The following ADGRB2 variants were observed in gnomAD, a reference collection of about 807,000 sequenced individuals.
The protein encoded by ADGRB2 is brain-specific angiogenesis inhibitor 2.
Under a neutral mutation model 178.7 loss-of-function variants are expected in ADGRB2, and 47 were observed. That is an observed-to-expected ratio of 0.26 (90% CI 0.21 to 0.34). The LOEUF (loss-of-function observed/expected upper bound fraction) is 0.34. Among genes scored for constraint, ADGRB2 ranks in the 10% least tolerant of loss-of-function variants. The pLI is 1.00. For missense variants in ADGRB2, 1,584 were observed against 2,180.8 expected, an observed-to-expected ratio of 0.73 and a Z score of 5.45; for synonymous variants, 870 against 912.4, an observed-to-expected ratio of 0.95 and a Z score of 0.84.
Position 31,741,169 on chromosome 1 carries a change from G to A in ADGRB2, c.1794+204C>T, listed in dbSNP as rs1321404515. ...TCATTCTGCAGGAGCGCAGAGGTAGGCACCAGGGATAAAAGAAGACACTTG... is the reference window on the plus strand; with the variant it reads ...TCATTCTGCAGGAGCGCAGAGGTAGACACCAGGGATAAAAGAAGACACTTG... On this transcript the variant is annotated intron_variant, in intron 11 of 32. Coordinates refer to ENST00000373658, the MANE Select transcript of ADGRB2 (RefSeq NM_001364857.2). This position sits in a 1 kb window ranked among gnomAD's most constrained non-coding sequence, Gnocchi z 6.5. 6.6e-6 allele frequency among the ~76,000 whole-genome samples: 1 copy of A among 152,124 alleles called. No homozygotes were observed. Among genetic ancestry groups the A allele is most frequent in the Non-Finnish European group, 1.5e-5 (1 of 68,018 alleles).
chr1:31,751,358 T>C (rs2149027301), intron 4 of ADGRB2, among the ~76,000 whole-genome samples: 1 of 152,380 alleles, frequency 6.6e-6, no homozygotes, highest in South Asian at 2.1e-4. Context: ...TCAGTTTGTA[T>C]GGGATAGTCT....
chr1:31,729,557 C>A (rs1307753262), intron 29 of ADGRB2, among the ~76,000 whole-genome samples: 1 of 152,232 alleles, frequency 6.6e-6, no homozygotes, highest in African/African-American at 2.4e-5. Context: ...TTTCTGGGGG[C>A]AACAGGGCAC....
chr1:31,738,680 C>G (rs77039877), intron 16 of ADGRB2, 50 bp from the exon 17 acceptor site: 4 of 1,607,306 alleles, frequency 2.5e-6, no homozygotes, highest in Non-Finnish European at 1.7e-6. Flanking sequence ...GCTCACCACA[C>G]CCCACCACTG....
chr1:31,735,666 C>CT lies in ADGRB2; in HGVS notation c.3268-2dup. The CT allele has an allele frequency of 6.3e-7, 1 of 1,595,218 alleles. No homozygotes were observed. On this transcript the variant is annotated splice_acceptor_variant, in intron 23 of 32. Coordinates refer to ENST00000373658, the MANE Select transcript of ADGRB2 (RefSeq NM_001364857.2). LOFTEE classifies it high-confidence loss of function. The surrounding 1 kb of genome is among the most constrained non-coding windows in gnomAD (Gnocchi z 6.0). ...CGATGATTCCGATGAGCATGTTCAC[C>CT]TGGGGGCCCAGTAGAGTGGAGTGGG...
In ADGRB2 at chr1:31,744,647, C is replaced by A. The variant is rs779929973; in HGVS notation, c.922+1G>T. The A allele has an allele frequency of 6.2e-7, 1 of 1,613,990 alleles. No individual in the cohort carries two copies. Among genetic ancestry groups the A allele is most frequent in the Non-Finnish European group, 8.5e-7 (1 of 1,179,990 alleles). On this transcript the variant is annotated splice_donor_variant, in intron 5 of 32. Transcript: ENST00000373658. LOFTEE classifies it high-confidence loss of function. The surrounding 1 kb of genome is among the most constrained non-coding windows in gnomAD (Gnocchi z 6.7). The stretch of plus-strand genomic sequence containing the variant: ...GAGGAAGGGAGGCGGGCCCGAGTTA[C>A]CTGTCTGCGCCATGTATAGCCCAGG...
Position 31,740,303 on chromosome 1 carries a change from T to G in ADGRB2, c.1989+44A>C. The G allele has an allele frequency of 1.2e-6, 2 of 1,605,262 alleles. No homozygotes were observed. The highest frequency in any genetic ancestry group is 1.3e-5 in the African/African-American group (1 of 74,814). On this transcript the variant is annotated intron_variant, in intron 12 of 32. Transcript: ENST00000373658. This position sits in a 1 kb window ranked among gnomAD's most constrained non-coding sequence, Gnocchi z 5.9. ...TAGGGGCCTGGCCTCCCGCTTCAGT[T>G]TGGGCCTTCTCCACCCTCCGCCCTC... is the stretch of plus-strand genomic sequence containing the variant.
rs1199507324 is a variant in ADGRB2, at chr1:31,764,331, C to G, written c.-638G>C. On this transcript the variant is annotated 5_prime_UTR_variant, in exon 1 of 33. Coordinates refer to ENST00000373658, the MANE Select transcript of ADGRB2 (RefSeq NM_001364857.2). The surrounding 1 kb of genome is among the most constrained non-coding windows in gnomAD (Gnocchi z 7.3). ...TCCGGCCGCTGCCCGCAGCGCGCGCCGGGCCGAGTGACGGCCGAGGCGGGA... is the reference window on the plus strand; with the variant it reads ...TCCGGCCGCTGCCCGCAGCGCGCGCGGGGCCGAGTGACGGCCGAGGCGGGA... The G allele has an allele frequency of 3.2e-5, 5 of 155,134 alleles. No homozygotes were observed. Among genetic ancestry groups the G allele is most frequent in the Admixed American group, 2.7e-4 (4 of 14,658 alleles). 9.6% of individuals were successfully genotyped at this position (155,134 alleles called of 1,614,324 possible).
rs2148862289 is a variant in ADGRB2, at chr1:31,727,347, G to T, written c.*73C>A. The T allele has an allele frequency of 1.4e-6, 2 of 1,480,308 alleles. No homozygotes were observed. Among genetic ancestry groups the T allele is most frequent in the Non-Finnish European group, 1.8e-6 (2 of 1,121,248 alleles). The allele number at this position is 1,480,308 out of a possible 1,614,324, so 91.7% of individuals were successfully genotyped here. On this transcript the variant is annotated 3_prime_UTR_variant, in exon 33 of 33. Transcript: ENST00000373658. The surrounding 1 kb of genome is among the most constrained non-coding windows in gnomAD (Gnocchi z 4.4). ...AGAGGGGAGAGGGCGCTGGCTCCTG[G>T]GTAGTTCCAAAGTGGAGTGTGAAAA...
At chr1:31,742,339 A>C in intron 7 of ADGRB2, 122 bp from the exon 8 acceptor site, 24 of 1,328,580 alleles carry the variant, frequency 1.8e-5, no homozygotes, top group Non-Finnish European at 2.1e-5. Context: ...GGCCAGACCC[A>C]CTGGAGTGGG....
chr1:31,728,364 C>G lies in ADGRB2; in HGVS notation c.4417-84G>C, dbSNP rs1225702993. Reference sequence around the variant, plus strand: ...CCCAGGGCACTCAGCACCCCAAGCCCCCCACATCCCTCCCTGCTGCCAGCC... The same window carrying G: ...CCCAGGGCACTCAGCACCCCAAGCCGCCCACATCCCTCCCTGCTGCCAGCC... On this transcript the variant is annotated intron_variant, in intron 30 of 32. Coordinates refer to ENST00000373658, the MANE Select transcript of ADGRB2 (RefSeq NM_001364857.2). This position sits in a 1 kb window ranked among gnomAD's most constrained non-coding sequence, Gnocchi z 6.7. The G allele has an allele frequency of 1.5e-5, 21 of 1,427,934 alleles. No individual in the cohort carries two copies. Among genetic ancestry groups the G allele is most frequent in the Non-Finnish European group, 1.9e-5 (20 of 1,027,714 alleles). 88.5% of individuals were successfully genotyped at this position (1,427,934 alleles called of 1,614,324 possible).
In ADGRB2 at chr1:31,738,117, C is replaced by T. The variant is rs151223026; in HGVS notation, c.2772+83G>A. 6.9e-5 allele frequency: 108 copies of T among 1,562,200 alleles called. 1 individual carries two copies. The highest frequency in any genetic ancestry group is 2.8e-4 in the South Asian group (24 of 84,616). Reference sequence around the variant, plus strand: ...AGATGCACATTCAGGATCACCCAGGCGCCTGCCAACACCATCACTGATGGC... The same window carrying T: ...AGATGCACATTCAGGATCACCCAGGTGCCTGCCAACACCATCACTGATGGC... On this transcript the variant is annotated intron_variant, in intron 18 of 32. Coordinates refer to ENST00000373658, the MANE Select transcript of ADGRB2 (RefSeq NM_001364857.2).
chr1:31,746,746 A>G (rs1168248254), intron 4 of ADGRB2, among the ~76,000 whole-genome samples: 2 of 151,758 alleles, frequency 1.3e-5, no homozygotes, highest in Non-Finnish European at 2.9e-5. Flanking sequence ...TCTCCCCACA[A>G]AGGCCAGCCC....
Position 31,741,410 on chromosome 1 carries a change from C to G in ADGRB2, c.1757G>C (p.Arg586Pro). The G allele has an allele frequency of 6.2e-7, 1 of 1,606,984 alleles. No homozygotes were observed. The highest frequency in any genetic ancestry group is 8.5e-7 in the Non-Finnish European group (1 of 1,177,040). ...GTAGCGGTACTCATGGGAGATGCAG[C>G]GAGCAAAGCTGGGCAGCCCCCAGTA... ...VAYWGLPSFA[R>P]CISHEYRYLY... The change falls in exon 11 of 33, where the codon CGC becomes CCC. Residue 586 changes from arginine (R) to proline (P), a missense_variant. Coordinates refer to ENST00000373658, the MANE Select transcript of ADGRB2 (RefSeq NM_001364857.2). This position sits in a 1 kb window ranked among gnomAD's most constrained non-coding sequence, Gnocchi z 6.5.
rs573967138 is a variant in ADGRB2, at chr1:31,745,861, T to G, written c.839-1130A>C. On this transcript the variant is annotated intron_variant, in intron 4 of 32. Coordinates refer to ENST00000373658, the MANE Select transcript of ADGRB2 (RefSeq NM_001364857.2). The stretch of plus-strand genomic sequence containing the variant: ...AGAGGAAGCTCTTTCTCACCAAGCA[T>G]GAGGAGCAGCCACCCTGAGCAAATC... Among the ~76,000 whole-genome samples the G allele has an allele frequency of 2.0e-5, 3 of 152,266 alleles. No homozygotes were observed. The South Asian group carries it at 6.2e-4, about 32-fold the overall frequency.
At position 31,756,154 on chromosome 1, in the gene ADGRB2, T is replaced by C. The variant is rs376797794; in HGVS notation, c.683A>G (p.Glu228Gly). The C allele has an allele frequency of 2.7e-5, 44 of 1,613,284 alleles. No individual in the cohort carries two copies. In the African/African-American group the frequency reaches 4.5e-4, roughly 17 times the overall value. Residue 228 changes from glutamate to glycine, a missense_variant, in exon 4 of 33, where the codon GAG (glutamate) becomes GGG (glycine). This residue lies in a region of ADGRB2 where 657 missense variants were observed against 847.6 expected (regional missense o/e 0.78). Transcript: ENST00000373658. The surrounding 1 kb of genome is among the most constrained non-coding windows in gnomAD (Gnocchi z 8.5). ...FAQPGCSCPG[E>G]AGAGSTTTTS... ...GGTGGTGGTGGAGCCGGCCCCCGCC[T>C]CTCCAGGGCAGCTGCAGCCTGGCTG...
In ADGRB2 at chr1:31,727,300, G is replaced by T; in HGVS notation, c.*120C>A. 7.9e-7 allele frequency: 1 copy of T among 1,271,914 alleles called. No homozygotes were observed. Among genetic ancestry groups the T allele is most frequent in the Non-Finnish European group, 1.0e-6 (1 of 961,368 alleles). 78.8% of individuals were successfully genotyped at this position (1,271,914 alleles called of 1,614,324 possible). A position where few individuals can be genotyped will look rare whatever the true frequency, so the allele number is the denominator to read the frequency against. ...CCCCCAGCCTGGCTGAGTCCACGGC[G>T]CCTCCCTGCCCAGCCCTCGGGAGAG... On this transcript the variant is annotated 3_prime_UTR_variant, in exon 33 of 33. Transcript: ENST00000373658. The surrounding 1 kb of genome is among the most constrained non-coding windows in gnomAD (Gnocchi z 4.4).
intron 29 of ADGRB2, among the ~76,000 whole-genome samples, chr1:31,729,986 G>A (rs1285707898): frequency 6.6e-6 from 1 of 152,244 alleles, no homozygotes; most frequent in East Asian, 1.9e-4. Flanking sequence ...CGGATGGGGA[G>A]TGGGTTTCTG....
In ADGRB2 at chr1:31,756,231, G is replaced by A; in HGVS notation, c.606C>T (p.Cys202=). ...NSSQFTCGVL[C]RWSEECGRAA... Reference sequence around the variant, plus strand: ...CGCGGCCACACTCCTCACTCCAGCGGCAGAGCACACCACAGGTGAATTGGC... The same window carrying A: ...CGCGGCCACACTCCTCACTCCAGCGACAGAGCACACCACAGGTGAATTGGC... Residue 202 remains cysteine, a synonymous_variant, in exon 4 of 33, where the codon TGC becomes TGT. Transcript: ENST00000373658. The surrounding 1 kb of genome is among the most constrained non-coding windows in gnomAD (Gnocchi z 8.5). The A allele has an allele frequency of 6.2e-7, 1 of 1,613,604 alleles. No homozygotes were observed. The highest frequency in any genetic ancestry group is 1.6e-4 in the Middle Eastern group (1 of 6,062).
Position 31,741,555 on chromosome 1 carries a change from T to TG in ADGRB2, c.1687+68dup. On this transcript the variant is annotated intron_variant, in intron 10 of 32. Transcript: ENST00000373658. This position sits in a 1 kb window ranked among gnomAD's most constrained non-coding sequence, Gnocchi z 6.5. ...ACACTCCTCCGTATCTCAGAGAGGC[T>TG]GGGGGCGCAGAAGGGGGCAATGAGA... 6.3e-7 allele frequency: 1 copy of TG among 1,593,492 alleles called. No homozygotes were observed. The highest frequency in any genetic ancestry group is 8.6e-7 in the Non-Finnish European group (1 of 1,166,410).
Sources: allele counts gnomAD v4.1 joint callset (sites outside exome capture counted in the v4.1 genomes callset), GRCh38; gene constraint gnomAD v4.1.1; regional missense constraint gnomAD v4.1.1; non-coding constraint Gnocchi (gnomAD v3.1); transcripts MANE v1.5; gene names NCBI Gene and HGNC (gene_info 2026-07-23, HGNC 2026-07-21).